Variants in CCND1 observed in about 807,000 individuals in gnomAD.
CCND1 encodes the protein cyclin D1.
Under a neutral mutation model 26.1 loss-of-function variants are expected in CCND1, and 9 were observed. That is an observed-to-expected ratio of 0.35 (90% CI 0.21 to 0.60). The LOEUF is 0.60. Ranked by LOEUF, CCND1 falls within the 20% of genes least tolerant of loss-of-function variation. The pLI, the probability that CCND1 is intolerant of heterozygous loss-of-function variation, is 0.79. For synonymous variants in CCND1, 194 were observed against 166.1 expected (o/e 1.17, Z -1.29); for missense variants, 335 against 392.9 (o/e 0.85, Z 1.25).
rs913366940 is a variant in CCND1 at position 69,651,459 on chromosome 11, CAAAAGA to C, written c.*184_*189del. 2 of 482,680 alleles carry C rather than the reference CAAAAGA, an allele frequency of 4.1e-6. No homozygotes were observed. The highest frequency in any genetic ancestry group is 6.8e-6 in the Non-Finnish European group (2 of 295,340). 29.9% of individuals were successfully genotyped at this position (482,680 alleles called of 1,614,324 possible). A position where few individuals can be genotyped will look rare whatever the true frequency, so the allele number is the denominator to read the frequency against. The stretch of plus-strand genomic sequence containing the variant: ...TTCCCCCTTCCATCTCTGACTTAAG[CAAAAGA>C]AAAAGATTACCCAAAAACTGTCTTT... On this transcript the variant is annotated 3_prime_UTR_variant, in exon 5 of 5. Coordinates refer to ENST00000227507, the MANE Select transcript of CCND1 (RefSeq NM_053056.3).
chr11:69,642,243 C>T (rs1348045024), intron 1 of CCND1, among the ~76,000 whole-genome samples: 1 of 152,228 alleles, frequency 6.6e-6, no homozygotes, highest in African/African-American at 2.4e-5. Context: ...GCCCCCAAGA[C>T]GCCAGGGCTT....
chr11:69,650,599 G>A (rs1855841584), intron 4 of CCND1, among the ~76,000 whole-genome samples: 1 of 152,240 alleles, frequency 6.6e-6, no homozygotes, highest in South Asian at 2.1e-4. Flanking sequence ...CAATGGTCCA[G>A]GTCCCCCTGG....
chr11:69,644,922 C>T (rs77186745), intron 3 of CCND1, among the ~76,000 whole-genome samples: 4,878 of 152,280 alleles, frequency 0.032, 276 homozygotes, highest in African/African-American at 0.11. Flanking sequence ...GGCCACAAGG[C>T]CCACGGGGCA....
chr11:69,651,081 C>A (rs1266274197), intron 4 of CCND1, 37 bp from the exon 5 acceptor site: 1 of 1,593,628 alleles, frequency 6.3e-7, no homozygotes, highest in Non-Finnish European at 8.5e-7. Context: ...TTCTAAGGAC[C>A]CCCTCTTCCC....
Position 69,643,785 on chromosome 11 carries a change from G to A in CCND1, c.415-47G>A, listed in dbSNP as rs1390082836. ...GTGCTGCCGGCTTCCCCGCGCCCCC[G>A]GGCTGGCCCGCACCTCCCCTGATGG... On this transcript the variant is annotated intron_variant, in intron 2 of 4. Coordinates refer to ENST00000227507, the MANE Select transcript of CCND1 (RefSeq NM_053056.3). 6.4e-6 allele frequency: 10 copies of A among 1,565,514 alleles called. No homozygotes were observed. The East Asian group carries it at 1.4e-4, about 21-fold the overall frequency.
In CCND1 at chr11:69,651,927, T is replaced by C; in HGVS notation, c.*645T>C. On this transcript the variant is annotated 3_prime_UTR_variant, in exon 5 of 5. Coordinates refer to ENST00000227507, the MANE Select transcript of CCND1 (RefSeq NM_053056.3). The stretch of plus-strand genomic sequence containing the variant: ...GTAGATGTGTAACCTCTTCACCTTA[T>C]TCATGGCTGAAGTCACCTCTTGGTT... 1.3e-5 allele frequency: 3 copies of C among 233,040 alleles called. 1 individual carries two copies. The highest frequency in any genetic ancestry group is 1.1e-4 in the Admixed American group (2 of 17,790). 14.4% of individuals were successfully genotyped at this position (233,040 alleles called of 1,614,324 possible).
chr11:69,649,981 G>A (rs1163266370), intron 4 of CCND1, among the ~76,000 whole-genome samples: 1 of 152,236 alleles, frequency 6.6e-6, no homozygotes, highest in African/African-American at 2.4e-5. Context: ...CTGAGGGGCG[G>A]GAGAGGAAAG....
At chr11:69,649,133 G>A (rs1855823485) in intron 4 of CCND1, among the ~76,000 whole-genome samples, 1 of 152,244 alleles carries the variant, frequency 6.6e-6, no homozygotes, top group Non-Finnish European at 1.5e-5. Context: ...CTCACCCGCT[G>A]TAGGGTGGAG....
At chr11:69,649,357 G>A (rs1417912300) in intron 4 of CCND1, among the ~76,000 whole-genome samples, 1 of 152,168 alleles carries the variant, frequency 6.6e-6, no homozygotes, top group African/African-American at 2.4e-5. Flanking sequence ...TTGGGCGCTG[G>A]CCCTTATTTG....
rs1441048613 is a variant in CCND1 at position 69,643,019 on chromosome 11, G to C, written c.199-12G>C. The C allele has an allele frequency of 6.5e-7, 1 of 1,547,174 alleles. No homozygotes were observed. The highest frequency in any genetic ancestry group is 8.7e-7 in the Non-Finnish European group (1 of 1,145,442). On this transcript the variant is annotated splice_polypyrimidine_tract_variant and intron_variant, in intron 1 of 4. Transcript: ENST00000227507. ...CCTGGCGGCGGCGGTCACGGGCCCC[G>C]TGCCTCCGTAGGTCTGCGAGGAACA... is the stretch of plus-strand genomic sequence containing the variant.
At chr11:69,646,839 G>C (rs887090572) in intron 3 of CCND1, among the ~76,000 whole-genome samples, 2 of 152,236 alleles carry the variant, frequency 1.3e-5, no homozygotes, top group Non-Finnish European at 2.9e-5. Flanking sequence ...CCAGTCTGCT[G>C]TTTGTCTAGG....
In CCND1 at chr11:69,648,032, G is replaced by T. The variant is rs1193747086; in HGVS notation, c.613G>T (p.Ala205Ser). ...FISNPPSMVA[A>S]GSVVAAVQGL... ...TTCCAATCCGCCCTCCATGGTGGCA[G>T]CGGGGAGCGTGGTGGCCGCAGTGCA... The change falls in exon 4 of 5, where the codon GCG becomes TCG. Residue 205 changes from alanine to serine, a missense_variant. By Grantham distance (99) the Ala-to-Ser change is moderately conservative. Coordinates refer to ENST00000227507, the MANE Select transcript of CCND1 (RefSeq NM_053056.3). 6.2e-7 allele frequency: 1 copy of T among 1,613,996 alleles called. No individual in the cohort carries two copies. The highest frequency in any genetic ancestry group is 8.5e-7 in the Non-Finnish European group (1 of 1,180,020).
intron 4 of CCND1, among the ~76,000 whole-genome samples, chr11:69,650,831 G>T (rs563408781): frequency 6.6e-6 from 1 of 152,160 alleles, no homozygotes; most frequent in African/African-American, 2.4e-5. Flanking sequence ...TGTTGGACAT[G>T]GGGACGGGCA....
chr11:69,651,258 C>A lies in CCND1; in HGVS notation c.864C>A (p.Thr288=), dbSNP rs748058235. Residue 288 remains threonine, a synonymous_variant, in exon 5 of 5, where the codon ACC becomes ACA. Transcript: ENST00000227507. ...EEEVDLACTP[T]DVRDVDI Reference sequence around the variant, plus strand: ...AGGTGGACCTGGCTTGCACACCCACCGACGTGCGGGACGTGGACATCTGAG... The same window carrying A: ...AGGTGGACCTGGCTTGCACACCCACAGACGTGCGGGACGTGGACATCTGAG... 6.4e-7 allele frequency: 1 copy of A among 1,563,334 alleles called. No individual in the cohort carries two copies. Among genetic ancestry groups the A allele is most frequent in the African/African-American group, 1.4e-5 (1 of 73,074 alleles).
At position 69,654,151 on chromosome 11, in the gene CCND1, C is replaced by A. The variant is rs3802782; in HGVS notation, c.*2869C>A. On this transcript the variant is annotated 3_prime_UTR_variant, in exon 5 of 5. Transcript: ENST00000227507. This position sits in a 1 kb window ranked among gnomAD's most constrained non-coding sequence, Gnocchi z 6.3. Reference sequence around the variant, plus strand: ...CCCCACCCCTCCAGAACACGGCTCACGCTTACCTCAACCATCCTGGCTGCG... The same window carrying A: ...CCCCACCCCTCCAGAACACGGCTCAAGCTTACCTCAACCATCCTGGCTGCG... 7.5e-6 allele frequency: 5 copies of A among 665,852 alleles called. No individual in the cohort carries two copies. The South Asian group carries it at 7.5e-5, about 10-fold the overall frequency. The allele number at this position is 665,852 out of a possible 1,614,324, so 41.2% of individuals were successfully genotyped here. A position where few individuals can be genotyped will look rare whatever the true frequency, so the allele number is the denominator to read the frequency against.
chr11:69,649,505 G>A (rs952023492), intron 4 of CCND1, among the ~76,000 whole-genome samples: 2 of 152,214 alleles, frequency 1.3e-5, no homozygotes, highest in Non-Finnish European at 2.9e-5. Context: ...CAGAAAAACC[G>A]TCCACAGCAG....
intron 4 of CCND1, 27 bp from the exon 5 acceptor site, chr11:69,651,091 C>T (rs527325508): frequency 1.2e-6 from 2 of 1,603,156 alleles, no homozygotes; most frequent in South Asian, 2.2e-5. Flanking sequence ...CCCCTCTTCC[C>T]ACCTCTCCCC....
Position 69,647,849 on chromosome 11 carries a change from G to A in CCND1, c.575-145G>A, listed in dbSNP as rs1048691318. ...CAGGGATGGCTGGAGGCTGAGGAGG[G>A]CCTGGATGTGGAGCCTCAGATACCG... is the stretch of plus-strand genomic sequence containing the variant. On this transcript the variant is annotated intron_variant, in intron 3 of 4. Coordinates refer to ENST00000227507, the MANE Select transcript of CCND1 (RefSeq NM_053056.3). The A allele has an allele frequency of 2.1e-5, 18 of 850,298 alleles. No homozygotes were observed. The African/African-American group carries it at 2.5e-4, about 12-fold the overall frequency. 52.7% of individuals were successfully genotyped at this position (850,298 alleles called of 1,614,324 possible). A position where few individuals can be genotyped will look rare whatever the true frequency, so the allele number is the denominator to read the frequency against.
chr11:69,651,413 G>C lies in CCND1; in HGVS notation c.*131G>C. The C allele has an allele frequency of 2.5e-6, 2 of 803,048 alleles. No individual in the cohort carries two copies. Among genetic ancestry groups the C allele is most frequent in the Middle Eastern group, 4.0e-4 (1 of 2,492 alleles). 49.7% of individuals were successfully genotyped at this position (803,048 alleles called of 1,614,324 possible). The stretch of plus-strand genomic sequence containing the variant: ...GGAAAGCTTCATTCTCCTTGTTGTT[G>C]GTTGTTTTTTCCTTTGCTCTTTCCC... On this transcript the variant is annotated 3_prime_UTR_variant, in exon 5 of 5. Transcript: ENST00000227507.
Sources: gnomAD v4.1 joint callset for allele counts (sites outside exome capture counted in the v4.1 genomes callset) on GRCh38, gnomAD v4.1.1 for gene constraint, Gnocchi (gnomAD v3.1) non-coding constraint, MANE v1.5 for transcripts, NCBI Gene and HGNC (gene_info 2026-07-23, HGNC 2026-07-21) for gene names.